Variants in ADGRB1 observed in about 807,000 individuals in gnomAD.
The protein encoded by ADGRB1 is adhesion G protein-coupled receptor B1.
ADGRB1 carries 36 observed loss-of-function variants against 175.7 expected under a neutral mutation model. That is an observed-to-expected ratio of 0.20 (90% CI 0.16 to 0.27). The LOEUF is 0.27. Among genes scored for constraint, ADGRB1 ranks in the 10% least tolerant of loss-of-function variants. The pLI is 1.00. For missense variants in ADGRB1, 1,731 were observed against 2,255.3 expected, an observed-to-expected ratio of 0.77 and a Z score of 4.71; for synonymous variants, 1,054 against 979.4, an observed-to-expected ratio of 1.08 and a Z score of -1.42.
At chr8:142,536,314 A>C (rs1278939519) in intron 25 of ADGRB1, among the ~76,000 whole-genome samples, 2 of 151,410 alleles carry the variant, frequency 1.3e-5, no homozygotes, top group African/African-American at 4.9e-5. Context: ...CACGGGAGGG[A>C]CAGTTGGCAT....
At chr8:142,485,501 G>A (rs142515661) in intron 13 of ADGRB1, among the ~76,000 whole-genome samples, 82 of 152,254 alleles carry the variant, frequency 5.4e-4, no homozygotes, top group Admixed American at 1.7e-3. Context: ...GACCAGCCTG[G>A]GCAGCACAGT....
At chr8:142,450,457 G>C (rs1839276408) in intron 1 of ADGRB1, among the ~76,000 whole-genome samples, 2 of 152,160 alleles carry the variant, frequency 1.3e-5, no homozygotes, top group Admixed American at 1.3e-4. Context: ...CACAGGGCAG[G>C]CTGGGGAGGG....
intron 17 of ADGRB1, among the ~76,000 whole-genome samples, chr8:142,494,245 C>G (rs1388287807): frequency 6.6e-6 from 1 of 152,144 alleles, no homozygotes; most frequent in Non-Finnish European, 1.5e-5. Flanking sequence ...GAGTTCTGAT[C>G]CTACTCACTC....
chr8:142,484,558 A>C, intron 12 of ADGRB1, 98 bp from the exon 13 acceptor site: 19 of 1,174,980 alleles, frequency 1.6e-5, no homozygotes, highest in Admixed American at 2.4e-5. Context: ...ATGTTAGGAA[A>C]TGGCCAATAA....
At position 142,511,448 on chromosome 8, in the gene ADGRB1, C is replaced by T. The variant is rs1024162742; in HGVS notation, c.2817+375C>T. On this transcript the variant is annotated intron_variant, in intron 18 of 30. Coordinates refer to ENST00000517894, the MANE Select transcript of ADGRB1 (RefSeq NM_001702.3). This position sits in a 1 kb window ranked among gnomAD's most constrained non-coding sequence, Gnocchi z 4.5. ...GTCGCCTGTGGAGGGGCTACCCTTT[C>T]CCTTGGTCCTCTCCGCCTGCCAGGG... Among the ~76,000 whole-genome samples the T allele has an allele frequency of 4.6e-5, 7 of 152,216 alleles. No homozygotes were observed. The South Asian group carries it at 1.4e-3, about 32-fold the overall frequency.
chr8:142,477,069 A>G, intron 4 of ADGRB1, 45 bp from the exon 5 acceptor site: 1 of 1,477,748 alleles, frequency 6.8e-7, no homozygotes, highest in Non-Finnish European at 9.0e-7. Flanking sequence ...GTCTGACTGC[A>G]GCCCCATGGG....
At chr8:142,528,488 C>T (rs1844362989) in intron 24 of ADGRB1, among the ~76,000 whole-genome samples, 1 of 152,226 alleles carries the variant, frequency 6.6e-6, no homozygotes, top group African/African-American at 2.4e-5. Context: ...CCCCTCCTGC[C>T]TGGTTTCCGA....
rs781505477 is a variant in ADGRB1 at position 142,516,950 on chromosome 8, A to G, written c.2818-1188A>G. On this transcript the variant is annotated intron_variant, in intron 18 of 30. Coordinates refer to ENST00000517894, the MANE Select transcript of ADGRB1 (RefSeq NM_001702.3). ...CCACCTGACTTCCCTGTCTGTCTTC[A>G]GGCCTGGCATGCTGGGGCTGTGCAG... Among the ~76,000 whole-genome samples, 7 of 152,182 alleles carry G rather than the reference A, an allele frequency of 4.6e-5. No homozygotes were observed. The East Asian group carries it at 7.7e-4, about 17-fold the overall frequency.
At chr8:142,486,158 C>T (rs987169652) in intron 13 of ADGRB1, among the ~76,000 whole-genome samples, 2 of 152,226 alleles carry the variant, frequency 1.3e-5, no homozygotes, top group Non-Finnish European at 2.9e-5. Flanking sequence ...TGTGCTCAGC[C>T]TCACTCACTC....
intron 23 of ADGRB1, among the ~76,000 whole-genome samples, chr8:142,525,499 C>T (rs1178195857): frequency 2.0e-5 from 3 of 152,138 alleles, no homozygotes; most frequent in Non-Finnish European, 2.9e-5. Context: ...GGCAGTGGTC[C>T]GTCACTGGTG....
intron 23 of ADGRB1, among the ~76,000 whole-genome samples, 159 bp downstream of exon 23, chr8:142,524,463 C>G (rs1434847819): frequency 6.6e-6 from 1 of 152,194 alleles, no homozygotes; most frequent in Non-Finnish European, 1.5e-5. Context: ...TGCCCACAGC[C>G]CCACTCTGAC....
rs1315079377 is a variant in ADGRB1 at position 142,488,511 on chromosome 8, AG to A, written c.2452+8del. On this transcript the variant is annotated splice_donor_5th_base_variant and intron_variant, in intron 14 of 30. Transcript: ENST00000517894. Reference sequence around the variant, plus strand: ...GTCTTCTCCACGGGGCTGACAGGTGAGGGGCCCAGGGAGTGGAGGGGGACCT... The same window carrying A: ...GTCTTCTCCACGGGGCTGACAGGTGAGGGCCCAGGGAGTGGAGGGGGACCT... 2 of 1,611,366 alleles carry A rather than the reference AG, an allele frequency of 1.2e-6. No individual in the cohort carries two copies. Among genetic ancestry groups the A allele is most frequent in the Non-Finnish European group, 1.7e-6 (2 of 1,178,912 alleles).
At chr8:142,454,767 C>T (rs1407547013) in intron 1 of ADGRB1, among the ~76,000 whole-genome samples, 1 of 152,160 alleles carries the variant, frequency 6.6e-6, no homozygotes, top group Non-Finnish European at 1.5e-5. Context: ...CGTCTCCACT[C>T]CTGCCCCACC....
chr8:142,470,527 T>C (rs1044998287), intron 2 of ADGRB1, among the ~76,000 whole-genome samples: 1 of 151,504 alleles, frequency 6.6e-6, no homozygotes, highest in Non-Finnish European at 1.5e-5. Flanking sequence ...TGTGTCCCTC[T>C]GTGGTGTGTG....
chr8:142,532,357 G>A (rs564180966), intron 24 of ADGRB1, among the ~76,000 whole-genome samples: 4 of 152,228 alleles, frequency 2.6e-5, no homozygotes, highest in South Asian at 2.1e-4. Context: ...GAGGCCACGC[G>A]CGGAACCCAG....
intron 25 of ADGRB1, among the ~76,000 whole-genome samples, chr8:142,534,609 C>T (rs756157844): frequency 6.6e-6 from 1 of 152,174 alleles, no homozygotes; most frequent in Admixed American, 6.5e-5. Context: ...AGCAGCGAAA[C>T]GGCTCCTGTA....
chr8:142,454,870 C>G (rs1453741607), intron 1 of ADGRB1, among the ~76,000 whole-genome samples: 1 of 152,148 alleles, frequency 6.6e-6, no homozygotes, highest in East Asian at 1.9e-4. Flanking sequence ...CCTCCTTCCT[C>G]CACAGAGCCC....
intron 1 of ADGRB1, among the ~76,000 whole-genome samples, chr8:142,457,354 G>A (rs537960046): frequency 3.1e-4 from 47 of 152,316 alleles, no homozygotes; most frequent in African/African-American, 7.9e-4. Context: ...TGGCCAGAGC[G>A]GAGCTTGGCA....
At chr8:142,451,434 C>T (rs1839343405) in intron 1 of ADGRB1, among the ~76,000 whole-genome samples, 1 of 151,882 alleles carries the variant, frequency 6.6e-6, no homozygotes, top group South Asian at 2.1e-4. Context: ...GCACCCGTCC[C>T]CGCCGCGACC....
Sources: gnomAD v4.1 joint callset for allele counts (sites outside exome capture counted in the v4.1 genomes callset) on GRCh38, gnomAD v4.1.1 for gene constraint, Gnocchi (gnomAD v3.1) non-coding constraint, MANE v1.5 for transcripts, NCBI Gene and HGNC (gene_info 2026-07-23, HGNC 2026-07-21) for gene names.